Variants in LHPP observed in about 807,000 individuals in gnomAD.
LHPP encodes phospholysine phosphohistidine inorganic pyrophosphate phosphatase, also known as hLHPP.
In LHPP, 24 loss-of-function variants were observed where a neutral mutation model predicts 30.3. That is an observed-to-expected ratio of 0.79 (90% CI 0.57 to 1.11). LHPP has a LOEUF of 1.11. Ranked by LOEUF, LHPP falls within the 50% of genes most tolerant of loss-of-function variation. The pLI, the probability that LHPP is intolerant of heterozygous loss-of-function variation, is 0.00. For missense variants in LHPP, 356 were observed against 367.2 expected (o/e 0.97, Z 0.25); for synonymous variants, 150 against 157.1 (o/e 0.95, Z 0.34).
chr10:124,517,148 T>C lies in LHPP; in HGVS notation c.625-32T>C. 2.7e-6 allele frequency: 4 copies of C among 1,496,400 alleles called. No homozygotes were observed. The highest frequency in any genetic ancestry group is 3.6e-6 in the Non-Finnish European group (4 of 1,101,582). The allele number at this position is 1,496,400 out of a possible 1,614,324, so 92.7% of individuals were successfully genotyped here. On this transcript the variant is annotated intron_variant, in intron 5 of 6. Coordinates refer to ENST00000368842, the MANE Select transcript of LHPP (RefSeq NM_022126.4). This position sits in a 1 kb window ranked among gnomAD's most constrained non-coding sequence, Gnocchi z 4.1. ...GCCCGGGAATAAAACTCTCCTGACA[T>C]CACTTCTGAGCGTATTTCACTGCCG...
At position 124,576,232 on chromosome 10, in the gene LHPP, G is replaced by T. The variant is rs182239261; in HGVS notation, c.717-37032G>T. Among the ~76,000 whole-genome samples, 28 of 152,206 alleles carry T rather than the reference G, an allele frequency of 1.8e-4. No homozygotes were observed. The highest frequency in any genetic ancestry group is 6.5e-4 in the African/African-American group (27 of 41,506). On this transcript the variant is annotated intron_variant, in intron 6 of 6. Transcript: ENST00000368842. This position sits in a 1 kb window ranked among gnomAD's most constrained non-coding sequence, Gnocchi z 4.2. ...TTAAAACTACCTGGCAGGCAGGAGT[G>T]AGAATACAGCTTTCCCAGAAACGTG...
intron 1 of LHPP, among the ~76,000 whole-genome samples, chr10:124,474,006 C>T (rs1047076334): frequency 1.3e-5 from 2 of 151,646 alleles, no homozygotes; most frequent in African/African-American, 4.8e-5. Context: ...TTTTTGTTTT[C>T]TTTTCCTTTT....
At chr10:124,542,017 C>T (rs1955204490) in intron 6 of LHPP, among the ~76,000 whole-genome samples, 1 of 151,998 alleles carries the variant, frequency 6.6e-6, no homozygotes, top group African/African-American at 2.4e-5. Flanking sequence ...CCTGAGACAC[C>T]TCTCCAGCTG....
chr10:124,606,770 C>T (rs1219460642), intron 6 of LHPP, among the ~76,000 whole-genome samples: 7 of 152,278 alleles, frequency 4.6e-5, no homozygotes, highest in African/African-American at 7.2e-5. Flanking sequence ...CACGGGGAGC[C>T]GTCAGCCAGG....
At chr10:124,609,225 A>G (rs930054332) in intron 6 of LHPP, among the ~76,000 whole-genome samples, 2 of 152,236 alleles carry the variant, frequency 1.3e-5, no homozygotes, top group African/African-American at 4.8e-5. Flanking sequence ...GGCCTACACA[A>G]TAGCAACTGT....
rs537105532 is a variant in LHPP, at chr10:124,496,742, T to C, written c.468-219T>C. 3.3e-5 allele frequency among the ~76,000 whole-genome samples: 5 copies of C among 152,354 alleles called. No homozygotes were observed. In the South Asian group the frequency reaches 1.0e-3, roughly 32 times the overall value. ...CGACCTGTGGCATCCCTGGAGCTGC[T>C]GGCTGCTGCGCTCGCCCCACTGGGT... On this transcript the variant is annotated intron_variant, in intron 3 of 6. Transcript: ENST00000368842. This position sits in a 1 kb window ranked among gnomAD's most constrained non-coding sequence, Gnocchi z 4.3.
At chr10:124,467,554 G>A (rs1034294337) in intron 1 of LHPP, among the ~76,000 whole-genome samples, 1 of 132,870 alleles carries the variant, frequency 7.5e-6, no homozygotes, top group Non-Finnish European at 1.6e-5. Context: ...ATCTTGATCT[G>A]TCTCCCAGGC....
chr10:124,529,813 G>GCACACA (rs3083540), intron 6 of LHPP, among the ~76,000 whole-genome samples: 18 of 147,186 alleles, frequency 1.2e-4, no homozygotes, highest in East Asian at 4.1e-4. Flanking sequence ...ACACACACAC[G>GCACACA]CACACACACA....
intron 3 of LHPP, chr10:124,489,803 CA>C: frequency 5.1e-6 from 1 of 195,782 alleles, no homozygotes; most frequent in Non-Finnish European, 1.0e-5. Context: ...TTATTCAATG[CA>C]AAATAACCCT....
chr10:124,554,519 T>C (rs1023341791), intron 6 of LHPP, among the ~76,000 whole-genome samples: 3 of 152,252 alleles, frequency 2.0e-5, no homozygotes, highest in Non-Finnish European at 1.5e-5. Flanking sequence ...TATAATGGGA[T>C]ATGGCAGTTT....
At chr10:124,507,256 G>A (rs1464598097) in intron 5 of LHPP, among the ~76,000 whole-genome samples, 3 of 2,934 alleles carry the variant, frequency 1.0e-3, no homozygotes, top group African/African-American at 2.8e-3. Context: ...ATTTCAGGTC[G>A]GGGGGGTAGA....
At chr10:124,495,545 G>T (rs1488059428) in intron 3 of LHPP, among the ~76,000 whole-genome samples, 2 of 152,218 alleles carry the variant, frequency 1.3e-5, no homozygotes, top group African/African-American at 2.4e-5. Flanking sequence ...CAGCTTCAAG[G>T]CATCAGGTGG....
intron 1 of LHPP, among the ~76,000 whole-genome samples, chr10:124,467,710 T>TTTGTTGTTG (rs10691946): frequency 0.45 from 66,932 of 148,862 alleles, 15,339 homozygotes; most frequent in Non-Finnish European, 0.48. Context: ...GTGTGTGTTT[T>TTTGTTGTTG]TTGTTGTTGT....
intron 5 of LHPP, among the ~76,000 whole-genome samples, chr10:124,512,448 C>G (rs139237295): frequency 2.6e-5 from 4 of 152,018 alleles, no homozygotes; most frequent in African/African-American, 9.6e-5. Context: ...AACCCCGTCT[C>G]TACTAAAAAT....
At chr10:124,568,159 C>G (rs983636539) in intron 6 of LHPP, among the ~76,000 whole-genome samples, 6 of 152,176 alleles carry the variant, frequency 3.9e-5, no homozygotes, top group African/African-American at 1.4e-4. Context: ...CGTGATCCGC[C>G]CGCCTCAGCC....
chr10:124,492,132 C>T (rs377256733), intron 3 of LHPP, among the ~76,000 whole-genome samples: 2 of 152,190 alleles, frequency 1.3e-5, no homozygotes, highest in African/African-American at 4.8e-5. Context: ...TCCTCCCTGT[C>T]GTCCCTGTCT....
intron 5 of LHPP, among the ~76,000 whole-genome samples, chr10:124,506,334 G>A (rs1352340232): frequency 6.8e-6 from 1 of 147,160 alleles, no homozygotes; most frequent in African/African-American, 2.5e-5. Flanking sequence ...TTGTGGTGAG[G>A]GGATGTCCTA....
At chr10:124,489,466 A>T (rs568288742) in intron 3 of LHPP, among the ~76,000 whole-genome samples, 4 of 151,962 alleles carry the variant, frequency 2.6e-5, no homozygotes, top group Non-Finnish European at 5.9e-5. Flanking sequence ...ATATATATAT[A>T]TTTTTTAAGA....
chr10:124,610,134 G>A (rs937136986), intron 6 of LHPP, among the ~76,000 whole-genome samples: 4 of 152,338 alleles, frequency 2.6e-5, no homozygotes, highest in Middle Eastern at 3.4e-3. Context: ...GCAGGATTGC[G>A]TGGTGCCAAG....
Sources: gnomAD v4.1 joint callset for allele counts (sites outside exome capture counted in the v4.1 genomes callset) on GRCh38, gnomAD v4.1.1 for gene constraint, Gnocchi (gnomAD v3.1) non-coding constraint, MANE v1.5 for transcripts, NCBI Gene and HGNC (gene_info 2026-07-23, HGNC 2026-07-21) for gene names.